Variants in SSBP2 observed in about 807,000 individuals in gnomAD.
The protein encoded by SSBP2 is single stranded DNA binding protein 2, also known as single-stranded DNA-binding protein 2.
In SSBP2, 17 loss-of-function variants were observed where a neutral mutation model predicts 61.8. The ratio of observed to expected loss-of-function variants is 0.28; its 90% CI spans 0.19 to 0.41. The LOEUF (loss-of-function observed/expected upper bound fraction) is 0.41, where lower values mean the gene tolerates loss of function less well. Ranked by LOEUF, SSBP2 falls within the 10% of genes least tolerant of loss-of-function variation. The probability of loss-of-function intolerance (pLI) is 1.00; values close to 1 mark genes in which losing one functional copy is unlikely to be tolerated. For synonymous variants in SSBP2, 139 were observed against 141.3 expected (o/e 0.98, Z 0.12); for missense variants, 310 against 458.7 (o/e 0.68, Z 2.96).
chr5:81,584,078 C>T (rs1345015618), intron 4 of SSBP2, among the ~76,000 whole-genome samples: 1 of 152,128 alleles, frequency 6.6e-6, no homozygotes, highest in African/African-American at 2.4e-5. Flanking sequence ...TTTCTACACA[C>T]ATCATAAATC....
intron 4 of SSBP2, among the ~76,000 whole-genome samples, chr5:81,523,253 A>G (rs1769632180): frequency 1.3e-5 from 2 of 152,098 alleles, no homozygotes; most frequent in African/African-American, 2.4e-5. Flanking sequence ...AAATTTCATT[A>G]AAAGTATTAA....
chr5:81,567,477 C>G (rs1773511010), intron 4 of SSBP2, among the ~76,000 whole-genome samples: 1 of 152,176 alleles, frequency 6.6e-6, no homozygotes, highest in South Asian at 2.1e-4. Context: ...GCTTGGATGC[C>G]CAGGCAGAAG....
At chr5:81,557,098 C>T (rs1367218344) in intron 4 of SSBP2, among the ~76,000 whole-genome samples, 1 of 152,110 alleles carries the variant, frequency 6.6e-6, no homozygotes, top group Non-Finnish European at 1.5e-5. Flanking sequence ...TATGGCCTAG[C>T]CTCTATTTAA....
chr5:81,484,922 T>C (rs1214327255), intron 6 of SSBP2, among the ~76,000 whole-genome samples: 1 of 152,190 alleles, frequency 6.6e-6, no homozygotes, highest in Non-Finnish European at 1.5e-5. Context: ...TTGACAGTGT[T>C]TCAGGAATCT....
At chr5:81,453,748 G>A (rs565230698) in intron 10 of SSBP2, among the ~76,000 whole-genome samples, 2 of 152,296 alleles carry the variant, frequency 1.3e-5, no homozygotes, top group South Asian at 4.1e-4. Context: ...GAGCCACTGT[G>A]CCTGGCCCTG....
chr5:81,751,245 G>A (rs1033823348), upstream of SSBP2: 2 of 594,802 alleles, frequency 3.4e-6, no homozygotes, highest in Non-Finnish European at 6.0e-6. Context: ...GCGCGGTGGC[G>A]GCTAAGCCTC....
At chr5:81,693,950 T>C (rs1229513144) in intron 1 of SSBP2, among the ~76,000 whole-genome samples, 1 of 151,302 alleles carries the variant, frequency 6.6e-6, no homozygotes, top group East Asian at 1.9e-4. Flanking sequence ...AACAGACAAA[T>C]GGATAAAGAA....
intron 5 of SSBP2, among the ~76,000 whole-genome samples, chr5:81,494,418 C>A (rs1172669719): frequency 6.6e-6 from 1 of 152,080 alleles, no homozygotes; most frequent in East Asian, 1.9e-4. Context: ...GCATAAAATT[C>A]ATATATTGAA....
intron 6 of SSBP2, among the ~76,000 whole-genome samples, chr5:81,477,362 G>A (rs1765660673): frequency 6.6e-6 from 1 of 152,068 alleles, no homozygotes; most frequent in Non-Finnish European, 1.5e-5. Flanking sequence ...TACCATAAAT[G>A]CATACTCTCC....
At chr5:81,448,080 C>A (rs977192527) in intron 11 of SSBP2, 2 of 152,104 alleles carry the variant, frequency 1.3e-5, no homozygotes, top group African/African-American at 4.8e-5. Flanking sequence ...GAAAGATTTC[C>A]CTTGTTACCA....
At position 81,660,385 on chromosome 5, in the gene SSBP2, AT is replaced by A. The variant is rs552107855; in HGVS notation, c.63-10047del. ...TGAACAGACCCTTCTCAAAGAAGAC[AT>A]TTATGCAGCCAACAAACATATGAGA... On this transcript the variant is annotated intron_variant, in intron 1 of 16. Transcript: ENST00000320672. 2.8e-3 allele frequency among the ~76,000 whole-genome samples: 421 copies of A among 152,342 alleles called. 2 individuals are homozygous for A. The highest frequency in any genetic ancestry group is 3.7e-3 in the Non-Finnish European group (255 of 68,038).
At chr5:81,474,623 TA>T in intron 6 of SSBP2, 61 bp from the exon 7 acceptor site, 1 of 1,269,284 alleles carries the variant, frequency 7.9e-7, no homozygotes, top group South Asian at 1.4e-5. Flanking sequence ...ATAAGTTTTT[TA>T]ACAATTTCCT....
chr5:81,554,601 T>A lies in SSBP2; in HGVS notation c.283-40884A>T, dbSNP rs1028215738. ...ACAATGGTTACATAAAAATTCCTCCTACAAATTATATTTTAGTTATAGCTA... is the reference window on the plus strand; with the variant it reads ...ACAATGGTTACATAAAAATTCCTCCAACAAATTATATTTTAGTTATAGCTA... On this transcript the variant is annotated intron_variant, in intron 4 of 16. Coordinates refer to ENST00000320672, the MANE Select transcript of SSBP2 (RefSeq NM_012446.5). Among the ~76,000 whole-genome samples, 8 of 152,130 alleles carry A rather than the reference T, an allele frequency of 5.3e-5. No homozygotes were observed. In the East Asian group the frequency reaches 1.5e-3, roughly 29 times the overall value.
chr5:81,611,714 G>A (rs1354019458), intron 4 of SSBP2, among the ~76,000 whole-genome samples: 2 of 152,044 alleles, frequency 1.3e-5, no homozygotes, highest in East Asian at 3.8e-4. Context: ...ATTTCAGTGA[G>A]AGAAGGGTGC....
intron 4 of SSBP2, among the ~76,000 whole-genome samples, chr5:81,569,605 A>G (rs1773691791): frequency 6.6e-6 from 1 of 152,200 alleles, no homozygotes; most frequent in Non-Finnish European, 1.5e-5. Context: ...TGCCAAATCT[A>G]TGTCATTCCA....
chr5:81,560,629 C>T (rs776282278), intron 4 of SSBP2, among the ~76,000 whole-genome samples: 3 of 152,060 alleles, frequency 2.0e-5, no homozygotes, highest in Non-Finnish European at 4.4e-5. Flanking sequence ...CTCTGGAACG[C>T]CTAAGAATAT....
intron 4 of SSBP2, among the ~76,000 whole-genome samples, chr5:81,574,781 A>G (rs1057225669): frequency 6.6e-6 from 1 of 152,208 alleles, no homozygotes; most frequent in Non-Finnish European, 1.5e-5. Context: ...CACAGGAATG[A>G]TATCTTCAAG....
At chr5:81,454,629 C>G (rs1385202515) in intron 10 of SSBP2, among the ~76,000 whole-genome samples, 3 of 151,302 alleles carry the variant, frequency 2.0e-5, no homozygotes, top group African/African-American at 7.3e-5. Context: ...TGCAGTGAGC[C>G]GAGATTGTGC....
intron 1 of SSBP2, among the ~76,000 whole-genome samples, chr5:81,735,890 T>TG (rs2154004401): frequency 6.6e-6 from 1 of 152,298 alleles, no homozygotes; most frequent in South Asian, 2.1e-4. Flanking sequence ...CTTATCCTCT[T>TG]AAAAATGACA....
Sources: allele counts gnomAD v4.1 joint callset (sites outside exome capture counted in the v4.1 genomes callset), GRCh38; gene constraint gnomAD v4.1.1; transcripts MANE v1.5; gene names NCBI Gene and HGNC (gene_info 2026-07-23, HGNC 2026-07-21).